Variants in WNT9A observed in about 807,000 individuals in gnomAD.
WNT9A encodes protein Wnt-9a.
In WNT9A, 8 loss-of-function variants were observed where a neutral mutation model predicts 31.4. That is an observed-to-expected ratio of 0.26 (90% confidence interval 0.15 to 0.46). The LOEUF (loss-of-function observed/expected upper bound fraction) is 0.46. Ranked by LOEUF, WNT9A falls within the 20% of genes least tolerant of loss-of-function variation. WNT9A has a pLI of 0.99. For missense variants in WNT9A, 457 were observed against 522.9 expected, an observed-to-expected ratio of 0.87 and a Z score of 1.23; for synonymous variants, 236 against 220.1, an observed-to-expected ratio of 1.07 and a Z score of -0.64.
chr1:227,924,563 C>G (rs1395390613), intron 2 of WNT9A, among the ~76,000 whole-genome samples, 163 bp from the exon 3 acceptor site: 1 of 151,666 alleles, frequency 6.6e-6, no homozygotes, highest in East Asian at 2.0e-4. Flanking sequence ...CTGGCCACCA[C>G]AGGGTAGGAA....
At position 227,942,755 on chromosome 1, in the gene WNT9A, G is replaced by A. The variant is rs921906616; in HGVS notation, c.95+5038C>T. Among the ~76,000 whole-genome samples the A allele has an allele frequency of 2.6e-5, 4 of 152,110 alleles. No individual in the cohort carries two copies. Among genetic ancestry groups the A allele is most frequent in the African/African-American group, 9.7e-5 (4 of 41,418 alleles). Reference sequence around the variant, plus strand: ...CCTGGGGTGTCCTAAGTTGTTGGAGGGGGTGGGTCTCCAGGACAGTGCCTG... The same window carrying A: ...CCTGGGGTGTCCTAAGTTGTTGGAGAGGGTGGGTCTCCAGGACAGTGCCTG... On this transcript the variant is annotated intron_variant, in intron 1 of 3. Transcript: ENST00000272164. The surrounding 1 kb of genome is among the most constrained non-coding windows in gnomAD (Gnocchi z 5.7).
In WNT9A at chr1:227,945,205, G is replaced by A. The variant is rs148203171; in HGVS notation, c.95+2588C>T. Among the ~76,000 whole-genome samples the A allele has an allele frequency of 4.3e-3, 652 of 152,374 alleles. 12 individuals are homozygous for A. Among genetic ancestry groups the A allele is most frequent in the East Asian group, 0.03 (153 of 5,182 alleles). ...CACCCTCTTGCTATAACCTTGGGGA[G>A]AGGGTCTGAGTCTGTACCCCAAGCC... On this transcript the variant is annotated intron_variant, in intron 1 of 3. Transcript: ENST00000272164.
Position 227,921,509 on chromosome 1 carries a change from C to A in WNT9A, c.*9G>T. 6.2e-7 allele frequency: 1 copy of A among 1,600,690 alleles called. No individual in the cohort carries two copies. The highest frequency in any genetic ancestry group is 8.5e-7 in the Non-Finnish European group (1 of 1,171,692). On this transcript the variant is annotated 3_prime_UTR_variant, in exon 4 of 4. Transcript: ENST00000272164. ...ACCCTGTGCAGCAGGGCTGGCAGGG[C>A]CTGGGAACTCAGCCCTTGCAGGTGT...
rs1196422936 is a variant in WNT9A at position 227,919,269 on chromosome 1, G to T, written c.*2249C>A. ...CCAGTGGATGCGGACACTGCAGAGG[G>T]CAGGGGCTACCACCCCCACCCCTTC... On this transcript the variant is annotated 3_prime_UTR_variant, in exon 4 of 4. Coordinates refer to ENST00000272164, the MANE Select transcript of WNT9A (RefSeq NM_003395.4). 2 of 152,184 alleles carry T rather than the reference G, an allele frequency of 1.3e-5. No individual in the cohort carries two copies. Among genetic ancestry groups the T allele is most frequent in the African/African-American group, 4.8e-5 (2 of 41,430 alleles). 9.4% of individuals were successfully genotyped at this position (152,184 alleles called of 1,614,324 possible). A position where few individuals can be genotyped will look rare whatever the true frequency, so the allele number is the denominator to read the frequency against.
At chr1:227,935,857 GCCTGAT>G (rs1217739874) in intron 1 of WNT9A, among the ~76,000 whole-genome samples, 1 of 152,168 alleles carries the variant, frequency 6.6e-6, no homozygotes, top group Non-Finnish European at 1.5e-5. Flanking sequence ...ACCTACCTAA[GCCTGAT>G]GCTGGTTAGT....
chr1:227,945,193 T>C (rs1228024788), intron 1 of WNT9A, among the ~76,000 whole-genome samples: 1 of 152,228 alleles, frequency 6.6e-6, no homozygotes, highest in African/African-American at 2.4e-5. Flanking sequence ...CCTCTTGCTA[T>C]AACCTTGGGG....
At chr1:227,924,081 C>CA in intron 3 of WNT9A, 57 bp downstream of exon 3, 1 of 414,928 alleles carries the variant, frequency 2.4e-6, no homozygotes. Flanking sequence ...CCACCCCCAA[C>CA]CCCCTGACGC....
rs774416646 is a variant in WNT9A, at chr1:227,921,820, C to T, written c.796G>A (p.Ala266Thr). 2.5e-6 allele frequency: 4 copies of T among 1,612,842 alleles called. No individual in the cohort carries two copies. Among genetic ancestry groups the T allele is most frequent in the Non-Finnish European group, 2.5e-6 (3 of 1,179,898 alleles). ...TTNEAAGEAG[A>T]ISPPRGRASG... is the part of the protein sequence containing the mutation. ...GCACGGCCCCGTGGTGGGGAGATGG[C>T]ACCTGCCTCGCCGGCAGCTTCATTG... is the stretch of plus-strand genomic sequence containing the variant. Residue 266 changes from alanine to threonine, a missense_variant, in exon 4 of 4, where the codon GCC becomes ACC. Transcript: ENST00000272164.
chr1:227,938,439 A>G (rs538956254), intron 1 of WNT9A, among the ~76,000 whole-genome samples: 1 of 151,498 alleles, frequency 6.6e-6, no homozygotes, highest in East Asian at 2.0e-4. Context: ...GAACCCATAA[A>G]CCCATACACA....
rs796151671 is a variant in WNT9A at position 227,942,979 on chromosome 1, G to A, written c.95+4814C>T. On this transcript the variant is annotated intron_variant, in intron 1 of 3. Coordinates refer to ENST00000272164, the MANE Select transcript of WNT9A (RefSeq NM_003395.4). This position sits in a 1 kb window ranked among gnomAD's most constrained non-coding sequence, Gnocchi z 5.7. ...CCCCTCCTTCTCCGGCCCTGCCAGG[G>A]ACCCACAGGTGCCCCTCATCCAGGC... Among the ~76,000 whole-genome samples the A allele has an allele frequency of 6.6e-6, 1 of 151,114 alleles. No individual in the cohort carries two copies. Among genetic ancestry groups the A allele is most frequent in the South Asian group, 2.1e-4 (1 of 4,720 alleles).
chr1:227,939,521 G>A (rs1666656553), intron 1 of WNT9A, among the ~76,000 whole-genome samples: 1 of 152,128 alleles, frequency 6.6e-6, no homozygotes. Flanking sequence ...TCCCCAGAGA[G>A]AACCTGAAAC....
At position 227,942,755 on chromosome 1, in the gene WNT9A, G is replaced by T. The variant is rs921906616; in HGVS notation, c.95+5038C>A. On this transcript the variant is annotated intron_variant, in intron 1 of 3. Transcript: ENST00000272164. This position sits in a 1 kb window ranked among gnomAD's most constrained non-coding sequence, Gnocchi z 5.7. ...CCTGGGGTGTCCTAAGTTGTTGGAG[G>T]GGGTGGGTCTCCAGGACAGTGCCTG... is the stretch of plus-strand genomic sequence containing the variant. 6.6e-6 allele frequency among the ~76,000 whole-genome samples: 1 copy of T among 152,228 alleles called. No homozygotes were observed.
intron 1 of WNT9A, among the ~76,000 whole-genome samples, chr1:227,944,668 C>A (rs1170265808): frequency 6.6e-6 from 1 of 152,190 alleles, no homozygotes; most frequent in East Asian, 1.9e-4. Flanking sequence ...CAGCCGGGGG[C>A]ACCTCAACAA....
At chr1:227,923,927 G>A (rs1666368003) in intron 3 of WNT9A, among the ~76,000 whole-genome samples, 2 of 152,108 alleles carry the variant, frequency 1.3e-5, no homozygotes, top group Non-Finnish European at 2.9e-5. Context: ...CATGGCTAGT[G>A]CCCCGTTTGG....
chr1:227,924,810 A>C (rs1362940474), intron 2 of WNT9A, among the ~76,000 whole-genome samples: 1 of 152,126 alleles, frequency 6.6e-6, no homozygotes, highest in Non-Finnish European at 1.5e-5. Context: ...CTGAAGTGAA[A>C]GGGTTGCTGA....
chr1:227,947,649 C>T, intron 1 of WNT9A, 144 bp downstream of exon 1: 1 of 310,482 alleles, frequency 3.2e-6, no homozygotes, highest in African/African-American at 2.3e-5. Flanking sequence ...ACGCGCGCGC[C>T]GCAAACAAAC....
At chr1:227,934,428 T>C (rs1666556747) in intron 1 of WNT9A, among the ~76,000 whole-genome samples, 1 of 152,252 alleles carries the variant, frequency 6.6e-6, no homozygotes, top group African/African-American at 2.4e-5. Flanking sequence ...AATCTATTAA[T>C]TGCTTTCTCC....
Position 227,947,884 on chromosome 1 carries a change from G to A in WNT9A, c.4C>T (p.Leu2=), listed in dbSNP as rs1300677013. 7 of 1,074,880 alleles carry A rather than the reference G, an allele frequency of 6.5e-6. No individual in the cohort carries two copies. The highest frequency in any genetic ancestry group is 7.9e-6 in the Non-Finnish European group (7 of 888,642). The allele number at this position is 1,074,880 out of a possible 1,614,324, so 66.6% of individuals were successfully genotyped here. ...CAGCGCGCCAGCGGGGACCCATCCA[G>A]CATCTTGCCGCGCCTCGGCGGCCGA... is the stretch of plus-strand genomic sequence containing the variant. M[L]DGSPLARWLA... Residue 2 remains leucine, a synonymous_variant, in exon 1 of 4, where the codon CTG becomes TTG. Transcript: ENST00000272164.
chr1:227,943,207 A>G (rs1666736352), intron 1 of WNT9A, among the ~76,000 whole-genome samples: 1 of 152,234 alleles, frequency 6.6e-6, no homozygotes, highest in South Asian at 2.1e-4. Context: ...AGCACCCAGA[A>G]CTGCCCCACA....
Sources: gnomAD v4.1 joint callset for allele counts (sites outside exome capture counted in the v4.1 genomes callset) on GRCh38, gnomAD v4.1.1 for gene constraint, Gnocchi (gnomAD v3.1) non-coding constraint, MANE v1.5 for transcripts, NCBI Gene and HGNC (gene_info 2026-07-23, HGNC 2026-07-21) for gene names.